The following KHDRBS2 variants were observed in gnomAD, a reference collection of about 807,000 sequenced individuals.
The protein encoded by KHDRBS2 is KH domain-containing, RNA-binding, signal transduction-associated protein 2.
In KHDRBS2, 26 loss-of-function variants were observed where a neutral mutation model predicts 44.3. The observed-to-expected ratio is 0.59, with a 90% CI of 0.43 to 0.81. The LOEUF (loss-of-function observed/expected upper bound fraction) is 0.81. Ranked by LOEUF, KHDRBS2 falls within the 40% of genes least tolerant of loss-of-function variation. The pLI is 0.00. For missense variants in KHDRBS2, 476 were observed against 433.1 expected (o/e 1.10, Z -0.88); for synonymous variants, 194 against 151.1 (o/e 1.28, Z -2.08).
At chr6:62,074,576 T>C (rs1187830160) in intron 2 of KHDRBS2, among the ~76,000 whole-genome samples, 2 of 151,926 alleles carry the variant, frequency 1.3e-5, no homozygotes, top group African/African-American at 4.8e-5. Flanking sequence ...TACATATTTA[T>C]ACTAACTTTT....
At chr6:62,050,076 G>A (rs1360774413) in intron 2 of KHDRBS2, among the ~76,000 whole-genome samples, 1 of 152,102 alleles carries the variant, frequency 6.6e-6, no homozygotes, top group Non-Finnish European at 1.5e-5. Context: ...TAAAGAAAAT[G>A]TGGCAGCACA....
intron 6 of KHDRBS2, among the ~76,000 whole-genome samples, chr6:61,752,754 G>A (rs1777903870): frequency 6.7e-6 from 1 of 149,192 alleles, no homozygotes; most frequent in Admixed American, 6.7e-5. Flanking sequence ...GATGAAGACA[G>A]AGAATAAACA....
intron 3 of KHDRBS2, among the ~76,000 whole-genome samples, chr6:62,032,015 G>C (rs1784420020): frequency 6.6e-6 from 1 of 152,058 alleles, no homozygotes; most frequent in Non-Finnish European, 1.5e-5. Flanking sequence ...TCCAACCCCA[G>C]CTTTAGGTGG....
In KHDRBS2 at chr6:62,123,646, C is replaced by T. The variant is rs1324609720; in HGVS notation, c.219+53539G>A. On this transcript the variant is annotated intron_variant, in intron 2 of 8. Coordinates refer to ENST00000281156, the MANE Select transcript of KHDRBS2 (RefSeq NM_152688.4). ...ATAATTTACACCACTCAGCAAACTACATTTGTTCAAAGTTGTGTTTAATTT... is the reference window on the plus strand; with the variant it reads ...ATAATTTACACCACTCAGCAAACTATATTTGTTCAAAGTTGTGTTTAATTT... 2.6e-5 allele frequency among the ~76,000 whole-genome samples: 4 copies of T among 152,164 alleles called. No homozygotes were observed. In the South Asian group the frequency reaches 6.2e-4, roughly 24 times the overall value.
At chr6:61,697,927 C>T (rs1420561087) in intron 7 of KHDRBS2, among the ~76,000 whole-genome samples, 4 of 152,112 alleles carry the variant, frequency 2.6e-5, no homozygotes, top group Non-Finnish European at 4.4e-5. Context: ...CAAAGTCTTA[C>T]GTGTTTCTTA....
At chr6:61,848,499 A>G (rs867993653) in intron 6 of KHDRBS2, among the ~76,000 whole-genome samples, 20 of 60,396 alleles carry the variant, frequency 3.3e-4, no homozygotes, top group African/African-American at 1.9e-3. Flanking sequence ...ATGTATATAT[A>G]TATATATATA....
At chr6:62,218,693 C>T (rs1350733013) in intron 1 of KHDRBS2, among the ~76,000 whole-genome samples, 1 of 151,786 alleles carries the variant, frequency 6.6e-6, no homozygotes, top group Admixed American at 6.6e-5. Flanking sequence ...TGAAGGAAGT[C>T]ATTTTATCAA....
chr6:61,638,821 G>T, the KHDRBS2 span, among the ~76,000 whole-genome samples: 11 of 152,146 alleles, frequency 7.2e-5, no homozygotes, highest in African/African-American at 1.9e-4. Context: ...GGAGTTTGAG[G>T]TTTGCAGAGC....
intron 1 of KHDRBS2, among the ~76,000 whole-genome samples, chr6:62,226,281 A>T (rs1193836649): frequency 1.3e-5 from 2 of 152,170 alleles, no homozygotes; most frequent in East Asian, 3.8e-4. Context: ...CATTTCTCTA[A>T]TTATCAGTGA....
At chr6:61,548,673 C>A in the KHDRBS2 span, among the ~76,000 whole-genome samples, 2 of 151,938 alleles carry the variant, frequency 1.3e-5, no homozygotes, top group Non-Finnish European at 2.9e-5. Context: ...CACTGAGGGT[C>A]CAAATGGGTG....
At chr6:62,073,332 T>C (rs1186515297) in intron 2 of KHDRBS2, among the ~76,000 whole-genome samples, 1 of 151,616 alleles carries the variant, frequency 6.6e-6, no homozygotes, top group African/African-American at 2.4e-5. Context: ...CTACATTATT[T>C]AATATGTTGG....
At chr6:62,208,541 T>C (rs1444671718) in intron 1 of KHDRBS2, among the ~76,000 whole-genome samples, 2 of 152,200 alleles carry the variant, frequency 1.3e-5, no homozygotes, top group African/African-American at 4.8e-5. Flanking sequence ...GCAATGAACA[T>C]GGGAATGCAG....
chr6:62,110,566 T>A (rs1584768749), intron 2 of KHDRBS2, among the ~76,000 whole-genome samples: 1 of 152,100 alleles, frequency 6.6e-6, no homozygotes. Context: ...CAAATAATTA[T>A]GTTGAGTGAA....
chr6:61,858,234 C>T (rs1796419016), intron 6 of KHDRBS2, among the ~76,000 whole-genome samples: 1 of 148,784 alleles, frequency 6.7e-6, no homozygotes, highest in Non-Finnish European at 1.5e-5. Flanking sequence ...TTTTAAGAAT[C>T]TCTCATGCAA....
chr6:62,227,101 A>G (rs1832008197), intron 1 of KHDRBS2, among the ~76,000 whole-genome samples: 1 of 152,188 alleles, frequency 6.6e-6, no homozygotes, highest in Admixed American at 6.5e-5. Context: ...GAATTTATAA[A>G]TTACTTTGTG....
At chr6:61,979,023 T>C (rs1198489507) in intron 3 of KHDRBS2, among the ~76,000 whole-genome samples, 4 of 152,136 alleles carry the variant, frequency 2.6e-5, no homozygotes, top group Non-Finnish European at 1.5e-5. Context: ...CAAGCCATTA[T>C]TGAAACCTGG....
chr6:61,887,465 G>T (rs1425247068), intron 6 of KHDRBS2, among the ~76,000 whole-genome samples: 1 of 152,042 alleles, frequency 6.6e-6, no homozygotes, highest in Admixed American at 6.6e-5. Flanking sequence ...AATATTTAAA[G>T]TCTGGGTTAC....
At position 62,174,490 on chromosome 6, in the gene KHDRBS2, G is replaced by A. The variant is rs566368905; in HGVS notation, c.219+2695C>T. 1.1e-4 allele frequency among the ~76,000 whole-genome samples: 16 copies of A among 151,778 alleles called. No homozygotes were observed. The East Asian group carries it at 2.9e-3, about 27-fold the overall frequency. On this transcript the variant is annotated intron_variant, in intron 2 of 8. Coordinates refer to ENST00000281156, the MANE Select transcript of KHDRBS2 (RefSeq NM_152688.4). Reference sequence around the variant, plus strand: ...TATTAAACGTAAAGCACCAGGGCTAGATAAATCATTCTTAAAGAGCATTTT... The same window carrying A: ...TATTAAACGTAAAGCACCAGGGCTAAATAAATCATTCTTAAAGAGCATTTT...
At chr6:61,620,337 A>G in the KHDRBS2 span, among the ~76,000 whole-genome samples, 1 of 152,022 alleles carries the variant, frequency 6.6e-6, no homozygotes. Flanking sequence ...CTTTTAATTG[A>G]GATTTTACAT....
Sources: allele counts gnomAD v4.1 joint callset (sites outside exome capture counted in the v4.1 genomes callset), GRCh38; gene constraint gnomAD v4.1.1; transcripts MANE v1.5; gene names NCBI Gene and HGNC (gene_info 2026-07-23, HGNC 2026-07-21).